Variants in WWOX observed in about 807,000 individuals in gnomAD.
WWOX encodes WW domain-containing oxidoreductase.
WWOX carries 69 observed loss-of-function variants against 46.2 expected under a neutral mutation model. That is an observed-to-expected ratio of 1.49 (90% CI 1.23 to 1.82). WWOX has a LOEUF of 1.82. WWOX is among the 40% of genes most tolerant of loss of function. The pLI, the probability that WWOX is intolerant of heterozygous loss-of-function variation, is 0.00. For missense variants in WWOX, 919 were observed against 542.6 expected, an observed-to-expected ratio of 1.69 and a Z score of -6.89; for synonymous variants, 359 against 202.6, an observed-to-expected ratio of 1.77 and a Z score of -6.56.
intron 5 of WWOX, among the ~76,000 whole-genome samples, chr16:78,236,834 T>C (rs1046991380): frequency 2.0e-5 from 3 of 152,110 alleles, no homozygotes; most frequent in Non-Finnish European, 4.4e-5. Flanking sequence ...CCCAGCACTT[T>C]GGGAGGCCGA....
chr16:78,210,460 C>T (rs1381214761), intron 5 of WWOX, among the ~76,000 whole-genome samples: 3 of 152,078 alleles, frequency 2.0e-5, no homozygotes, highest in Non-Finnish European at 4.4e-5. Context: ...CTAATTTACC[C>T]ACAGTTGAAA....
rs575161153 is a variant in WWOX, at chr16:78,349,770, G to T, written c.517-37090G>T. 6.6e-5 allele frequency among the ~76,000 whole-genome samples: 8 copies of T among 120,918 alleles called. No homozygotes were observed. The East Asian group carries it at 1.5e-3, about 23-fold the overall frequency. The allele number at this position is 120,918 out of a possible 152,430, so 79.3% of individuals were successfully genotyped here. ...CACCGATGAAACAGCAATGCCTTGC[G>T]GTGACAAATTCAGTGTAGAAATAAT... On this transcript the variant is annotated intron_variant, in intron 5 of 8. Coordinates refer to ENST00000566780, the MANE Select transcript of WWOX (RefSeq NM_016373.4).
intron 8 of WWOX, among the ~76,000 whole-genome samples, chr16:78,575,998 A>G (rs2044869742): frequency 6.6e-6 from 1 of 152,158 alleles, no homozygotes; most frequent in Admixed American, 6.5e-5. Flanking sequence ...TTTTCAGAGC[A>G]TGTACTGGAT....
At chr16:78,225,045 G>A (rs1356356788) in intron 5 of WWOX, among the ~76,000 whole-genome samples, 1 of 152,072 alleles carries the variant, frequency 6.6e-6, no homozygotes, top group East Asian at 1.9e-4. Context: ...CAGTCACATC[G>A]CTTAACAAGG....
Position 78,937,538 on chromosome 16 carries a change from G to A in WWOX, c.1057-274070G>A, listed in dbSNP as rs539646817. On this transcript the variant is annotated intron_variant, in intron 8 of 8. Coordinates refer to ENST00000566780, the MANE Select transcript of WWOX (RefSeq NM_016373.4). ...TCAAACTCCTGAGTTCAAGTGATCT[G>A]CCTTGCTTGGCTTCCCAAAGTGCTG... Among the ~76,000 whole-genome samples, 29 of 137,246 alleles carry A rather than the reference G, an allele frequency of 2.1e-4. No homozygotes were observed. In the South Asian group the frequency reaches 2.3e-3, roughly 11 times the overall value. 90.0% of individuals were successfully genotyped at this position (137,246 alleles called of 152,430 possible).
At chr16:78,727,509 C>T (rs2048864894) in intron 8 of WWOX, among the ~76,000 whole-genome samples, 1 of 152,126 alleles carries the variant, frequency 6.6e-6, no homozygotes, top group Admixed American at 6.5e-5. Flanking sequence ...ATAGCGAGTC[C>T]CAGTGAAAGC....
intron 8 of WWOX, among the ~76,000 whole-genome samples, chr16:78,451,234 C>T (rs1427371492): frequency 6.6e-6 from 1 of 152,154 alleles, no homozygotes; most frequent in African/African-American, 2.4e-5. Context: ...GATGGGTCCT[C>T]ATGTTAGTCT....
chr16:78,236,476 T>C (rs1017543690), intron 5 of WWOX, among the ~76,000 whole-genome samples: 2 of 152,224 alleles, frequency 1.3e-5, no homozygotes, highest in Non-Finnish European at 2.9e-5. Context: ...GTCCTTTCCA[T>C]GTCAGGGACA....
At chr16:78,458,745 G>T (rs374485136) in intron 8 of WWOX, among the ~76,000 whole-genome samples, 1 of 151,954 alleles carries the variant, frequency 6.6e-6, no homozygotes, top group Non-Finnish European at 1.5e-5. Flanking sequence ...TACATACATA[G>T]AAGTATATAT....
chr16:78,172,095 G>A (rs1777855430), intron 5 of WWOX, among the ~76,000 whole-genome samples: 1 of 152,208 alleles, frequency 6.6e-6, no homozygotes, highest in Admixed American at 6.5e-5. Context: ...TGCAGCTGGT[G>A]TGTGGGTGAT....
intron 8 of WWOX, among the ~76,000 whole-genome samples, chr16:78,911,293 C>G (rs561747886): frequency 1.2e-4 from 18 of 152,182 alleles, no homozygotes; most frequent in African/African-American, 4.3e-4. Flanking sequence ...GCCTATGGGA[C>G]ATGTTCCCAT....
At chr16:78,376,890 A>G (rs1332171905) in intron 5 of WWOX, among the ~76,000 whole-genome samples, 3 of 152,208 alleles carry the variant, frequency 2.0e-5, no homozygotes, top group South Asian at 4.1e-4. Flanking sequence ...CGATTTCCCA[A>G]GTCCACCGTG....
intron 8 of WWOX, among the ~76,000 whole-genome samples, chr16:79,195,142 ATATT>A (rs1297413444): frequency 6.6e-6 from 1 of 152,096 alleles, no homozygotes; most frequent in African/African-American, 2.4e-5. Context: ...CTGGTTATGT[ATATT>A]TCTCTAAGTC....
At chr16:79,030,822 C>G (rs2047737899) in intron 8 of WWOX, among the ~76,000 whole-genome samples, 2 of 152,126 alleles carry the variant, frequency 1.3e-5, no homozygotes. Flanking sequence ...GTGCCTCATT[C>G]CTGTAATTCT....
At chr16:78,251,463 C>A (rs561851254) in intron 5 of WWOX, among the ~76,000 whole-genome samples, 1 of 152,178 alleles carries the variant, frequency 6.6e-6, no homozygotes, top group African/African-American at 2.4e-5. Context: ...CTGTTTCACT[C>A]TGTACAGGTG....
chr16:78,268,466 A>G (rs904540295), intron 5 of WWOX, among the ~76,000 whole-genome samples: 3 of 152,184 alleles, frequency 2.0e-5, no homozygotes, highest in Admixed American at 1.3e-4. Context: ...TAGAGTCACT[A>G]CCTGCATTTG....
At chr16:78,408,487 T>C (rs2082600732) in intron 6 of WWOX, among the ~76,000 whole-genome samples, 1 of 152,148 alleles carries the variant, frequency 6.6e-6, no homozygotes, top group South Asian at 2.1e-4. Flanking sequence ...TCACTCTCCA[T>C]TGTCTGCATG....
At chr16:78,556,261 TAA>T (rs879764844) in intron 8 of WWOX, among the ~76,000 whole-genome samples, 102 of 126,660 alleles carry the variant, frequency 8.1e-4, no homozygotes, top group Admixed American at 1.1e-3. Flanking sequence ...CCTCCTCCTC[TAA>T]AAAAAAAAAA....
intron 5 of WWOX, among the ~76,000 whole-genome samples, chr16:78,248,922 T>C (rs1474078006): frequency 7.1e-6 from 1 of 140,918 alleles, no homozygotes; most frequent in Non-Finnish European, 1.5e-5. Context: ...GCTGGCACGA[T>C]CTTGGCTCAC....
Sources: allele counts gnomAD v4.1 joint callset (sites outside exome capture counted in the v4.1 genomes callset), GRCh38; gene constraint gnomAD v4.1.1; transcripts MANE v1.5; gene names NCBI Gene and HGNC (gene_info 2026-07-23, HGNC 2026-07-21).